ATG4D: variants seen among roughly 807,000 people sequenced by gnomAD.
ATG4D encodes cysteine protease ATG4D.
ATG4D carries 51 observed loss-of-function variants against 55.2 expected under a neutral mutation model. The ratio of observed to expected loss-of-function variants is 0.92; its 90% CI spans 0.74 to 1.17. The LOEUF is 1.17. Ranked by LOEUF, ATG4D falls within the 50% of genes most tolerant of loss-of-function variation. The pLI is 0.00. For synonymous variants in ATG4D, 268 were observed against 266.2 expected, an observed-to-expected ratio of 1.01 and a Z score of -0.07; for missense variants, 635 against 649.6, an observed-to-expected ratio of 0.98 and a Z score of 0.25.
chr19:10,549,758 G>T (rs1424908018), intron 6 of ATG4D, among the ~76,000 whole-genome samples: 2 of 151,988 alleles, frequency 1.3e-5, no homozygotes. Context: ...CCTGCTATGT[G>T]TGCTCCCCAC....
chr19:10,546,793 C>T (rs2144685865), intron 3 of ATG4D, 46 bp from the exon 4 acceptor site: 1 of 1,513,726 alleles, frequency 6.6e-7, no homozygotes, highest in Non-Finnish European at 8.9e-7. Context: ...GGGACCTCTG[C>T]CCCCCACACA....
intron 4 of ATG4D, 28 bp downstream of exon 4, chr19:10,547,143 G>A (rs1916061747): frequency 6.2e-7 from 1 of 1,610,714 alleles, no homozygotes; most frequent in Non-Finnish European, 8.5e-7. Context: ...GATCACGGGA[G>A]TTGCTGGGTA....
chr19:10,545,866 C>CAA lies in ATG4D; in HGVS notation c.493+748_493+749dup, dbSNP rs879685414. On this transcript the variant is annotated intron_variant, in intron 3 of 9. Transcript: ENST00000309469. ...TGGGTGGCAGAGCGAGACTCAGTCT[C>CAA]AAAAAAAAAAAAAGAGTTTTGGCTG... 3.9e-4 allele frequency among the ~76,000 whole-genome samples: 51 copies of CAA among 129,194 alleles called. 1 individual carries two copies. The East Asian group carries it at 8.6e-3, about 22-fold the overall frequency. 84.8% of individuals were successfully genotyped at this position (129,194 alleles called of 152,430 possible). A position where few individuals can be genotyped will look rare whatever the true frequency, so the allele number is the denominator to read the frequency against.
At position 10,552,863 on chromosome 19, in the gene ATG4D, CCT is replaced by C. The variant is rs1310876841; in HGVS notation, c.1243-21_1243-20del. 3 of 1,593,584 alleles carry C rather than the reference CCT, an allele frequency of 1.9e-6. No individual in the cohort carries two copies. The highest frequency in any genetic ancestry group is 2.6e-6 in the Non-Finnish European group (3 of 1,169,688). On this transcript the variant is annotated intron_variant, in intron 9 of 9. Transcript: ENST00000309469. ...TGGCTTGGCACTGTTTGTGGCTGAC[CCT>C]GTCTCCCTCTTCCCGCCAGGTCCTC...
rs760259667 is a variant in ATG4D, at chr19:10,552,286, A to G, written c.1204A>G (p.Arg402Gly). The G allele has an allele frequency of 1.9e-6, 3 of 1,613,558 alleles. No individual in the cohort carries two copies. In the South Asian group the frequency reaches 3.3e-5, roughly 18 times the overall value. ...TACCGTGGGCTTCTATGCTGGAGAC[A>G]GGAAGGAGTTTGAGACACTCTGCTC... ...SCTVGFYAGD[R>G]KEFETLCSEL... The change falls in exon 9 of 10, where the codon AGG (arginine) becomes GGG (glycine). Residue 402 changes from arginine (R) to glycine (G), a missense_variant. Transcript: ENST00000309469.
chr19:10,549,946 G>A (rs1916169355), intron 6 of ATG4D, among the ~76,000 whole-genome samples: 1 of 152,158 alleles, frequency 6.6e-6, no homozygotes, highest in African/African-American at 2.4e-5. Flanking sequence ...AGCACTTTGG[G>A]AGGCCGAGGC....
rs1915986023 is a variant in ATG4D at position 10,544,979 on chromosome 19, G to C, written c.342G>C (p.Arg114=). 1 of 1,595,578 alleles carries C rather than the reference G, an allele frequency of 6.3e-7. No individual in the cohort carries two copies. ...EGEGDIQRFQ[R]DFVSRLWLTY... is the part of the protein sequence containing the mutation. ...TAGGTGACATACAGCGTTTCCAGCG[G>C]GACTTTGTGTCCCGCCTGTGGCTCA... The change falls in exon 3 of 10, where the codon CGG becomes CGC. Residue 114 remains arginine (R), a synonymous_variant. Coordinates refer to ENST00000309469, the MANE Select transcript of ATG4D (RefSeq NM_032885.6).
At chr19:10,550,314 C>T (rs1307776572) in intron 6 of ATG4D, among the ~76,000 whole-genome samples, 1 of 152,028 alleles carries the variant, frequency 6.6e-6, no homozygotes, top group Non-Finnish European at 1.5e-5. Context: ...AGCCTCTACA[C>T]AACTTTAAAA....
In ATG4D at chr19:10,549,003, C is replaced by T; in HGVS notation, c.935C>T (p.Thr312Ile). The change falls in exon 6 of 10, where the codon ACT (threonine) becomes ATT (isoleucine). Residue 312 changes from threonine (T) to isoleucine (I), a missense_variant. By Grantham distance (89) the Thr-to-Ile change is moderately conservative (BLOSUM62 -1). Transcript: ENST00000309469. ...ILVPVRLGGETLNPVYVPCVK... is the reference protein window; with the variant it reads ...ILVPVRLGGEILNPVYVPCVK... ...GTGCCCGTGCGACTGGGTGGCGAGA[C>T]TCTCAACCCCGTGTATGTGCCCTGC... 1 of 1,614,156 alleles carries T rather than the reference C, an allele frequency of 6.2e-7. No homozygotes were observed. The highest frequency in any genetic ancestry group is 8.5e-7 in the Non-Finnish European group (1 of 1,180,022).
rs2144705397 is a variant in ATG4D at position 10,553,210 on chromosome 19, T to A, written c.*143T>A. 5 of 1,075,538 alleles carry A rather than the reference T, an allele frequency of 4.6e-6. No homozygotes were observed. The East Asian group carries it at 1.0e-4, about 22-fold the overall frequency. 66.6% of individuals were successfully genotyped at this position (1,075,538 alleles called of 1,614,324 possible). A position where few individuals can be genotyped will look rare whatever the true frequency, so the allele number is the denominator to read the frequency against. ...CCCAGCTGCAACCAGTCTGGGGCCA[T>A]TCAGCCAGGGACAGAGCCCACAGAG... On this transcript the variant is annotated 3_prime_UTR_variant, in exon 10 of 10. Transcript: ENST00000309469.
In ATG4D at chr19:10,545,021, C is replaced by A. The variant is rs200667601; in HGVS notation, c.384C>A (p.Phe128Leu). Residue 128 changes from phenylalanine to leucine, a missense_variant, in exon 3 of 10, where the codon TTC (phenylalanine) becomes TTA (leucine). Transcript: ENST00000309469. The stretch of plus-strand genomic sequence containing the variant: ...TGTGGCTCACATACCGCCGGGACTT[C>A]CCGCCCCTTCCTGGGGGCTGCCTGA... ...SRLWLTYRRD[F>L]PPLPGGCLTS... is the part of the protein sequence containing the mutation. 33 of 1,611,360 alleles carry A rather than the reference C, an allele frequency of 2.0e-5. No homozygotes were observed. Among genetic ancestry groups the A allele is most frequent in the Non-Finnish European group, 2.7e-5 (32 of 1,178,802 alleles).
At position 10,552,307 on chromosome 19, in the gene ATG4D, T is replaced by A. The variant is rs768036629; in HGVS notation, c.1225T>A (p.Cys409Ser). Residue 409 changes from cysteine (C) to serine (S), a missense_variant, in exon 9 of 10, where the codon TGC becomes AGC. Transcript: ENST00000309469. Reference sequence around the variant, plus strand: ...AGACAGGAAGGAGTTTGAGACACTCTGCTCAGAGCTGACCAGGGTGAGCAA... The same window carrying A: ...AGACAGGAAGGAGTTTGAGACACTCAGCTCAGAGCTGACCAGGGTGAGCAA... ...AGDRKEFETL[C>S]SELTRVLSSS... The A allele has an allele frequency of 6.2e-7, 1 of 1,612,744 alleles. No homozygotes were observed. The highest frequency in any genetic ancestry group is 8.5e-7 in the Non-Finnish European group (1 of 1,179,912).
At chr19:10,546,192 C>G (rs773152429) in intron 3 of ATG4D, among the ~76,000 whole-genome samples, 6 of 151,798 alleles carry the variant, frequency 4.0e-5, no homozygotes, top group Non-Finnish European at 8.8e-5. Flanking sequence ...AGTGTGGTGG[C>G]ATGTGCCTGT....
Position 10,552,753 on chromosome 19 carries a change from G to C in ATG4D, c.1243-132G>C, listed in dbSNP as rs1916318689. ...ATGGCTGAGCCAATCACTGTGGCCA[G>C]GGGATGGAAGGTGCTGATTGGCTGC... On this transcript the variant is annotated intron_variant, in intron 9 of 9. Coordinates refer to ENST00000309469, the MANE Select transcript of ATG4D (RefSeq NM_032885.6). 9 of 951,468 alleles carry C rather than the reference G, an allele frequency of 9.5e-6. No homozygotes were observed. The South Asian group carries it at 1.0e-4, about 11-fold the overall frequency. The allele number at this position is 951,468 out of a possible 1,614,324, so 58.9% of individuals were successfully genotyped here. A position where few individuals can be genotyped will look rare whatever the true frequency, so the allele number is the denominator to read the frequency against.
At position 10,546,319 on chromosome 19, in the gene ATG4D, CTTTA is replaced by C. The variant is rs748063356; in HGVS notation, c.494-508_494-505del. ...AGTCTGGATGACAGTGAGATCCTGTCTTTATTTATTTATTTTATTTATTATTATT... is the reference window on the plus strand; with the variant it reads ...AGTCTGGATGACAGTGAGATCCTGTCTTTATTTATTTTATTTATTATTATT... On this transcript the variant is annotated intron_variant, in intron 3 of 9. Transcript: ENST00000309469. Among the ~76,000 whole-genome samples, 710 of 151,564 alleles carry C rather than the reference CTTTA, an allele frequency of 4.7e-3. 3 individuals are homozygous for C. The highest frequency in any genetic ancestry group is 8.3e-3 in the Non-Finnish European group (566 of 67,894).
rs146985902 is a variant in ATG4D at position 10,552,859 on chromosome 19, T to C, written c.1243-26T>C. 4,708 of 1,591,432 alleles carry C rather than the reference T, an allele frequency of 3.0e-3. 108 individuals are homozygous for C. The African/African-American group carries it at 0.055, about 18-fold the overall frequency. On this transcript the variant is annotated intron_variant, in intron 9 of 9. Coordinates refer to ENST00000309469, the MANE Select transcript of ATG4D (RefSeq NM_032885.6). The stretch of plus-strand genomic sequence containing the variant: ...AATATGGCTTGGCACTGTTTGTGGC[T>C]GACCCTGTCTCCCTCTTCCCGCCAG...
chr19:10,544,268 G>A lies in ATG4D; in HGVS notation c.178G>A (p.Asp60Asn). Reference sequence around the variant, plus strand: ...TCCCGGGGCTGGCCCGAGTGAGCCGGACGAAGTGGACAAGTTCAAGGCCAA... The same window carrying A: ...TCCCGGGGCTGGCCCGAGTGAGCCGAACGAAGTGGACAAGTTCAAGGCCAA... ...GSPGAGPSEPDEVDKFKAKFL... is the reference protein window; with the variant it reads ...GSPGAGPSEPNEVDKFKAKFL... The change falls in exon 1 of 10, where the codon GAC (aspartate) becomes AAC (asparagine). Residue 60 changes from aspartate (D) to asparagine (N), a missense_variant. Coordinates refer to ENST00000309469, the MANE Select transcript of ATG4D (RefSeq NM_032885.6). The A allele has an allele frequency of 7.8e-7, 1 of 1,274,368 alleles. No homozygotes were observed. The highest frequency in any genetic ancestry group is 1.0e-6 in the Non-Finnish European group (1 of 1,002,684). 78.9% of individuals were successfully genotyped at this position (1,274,368 alleles called of 1,614,324 possible). A position where few individuals can be genotyped will look rare whatever the true frequency, so the allele number is the denominator to read the frequency against.
At position 10,552,927 on chromosome 19, in the gene ATG4D, A is replaced by G. The variant is rs1220386164; in HGVS notation, c.1285A>G (p.Thr429Ala). The change falls in exon 10 of 10, where the codon ACC (threonine) becomes GCC (alanine). Residue 429 changes from threonine (T) to alanine (A), a missense_variant. Physicochemically the swap from Thr to Ala is moderately conservative, Grantham distance 58. Transcript: ENST00000309469. ...AGCCACAGAGCGGTACCCCATGTTCACCCTGGCCGAGGGCCATGCTCAGGA... is the reference window on the plus strand; with the variant it reads ...AGCCACAGAGCGGTACCCCATGTTCGCCCTGGCCGAGGGCCATGCTCAGGA... ...SSATERYPMF[T>A]LAEGHAQDHS... The G allele has an allele frequency of 6.2e-7, 1 of 1,613,268 alleles. No individual in the cohort carries two copies. Among genetic ancestry groups the G allele is most frequent in the South Asian group, 1.1e-5 (1 of 91,062 alleles).
chr19:10,546,999 G>A lies in ATG4D; in HGVS notation c.654G>A (p.Trp218Ter). 1 of 1,593,786 alleles carries A rather than the reference G, an allele frequency of 6.3e-7. No homozygotes were observed. The highest frequency in any genetic ancestry group is 8.5e-7 in the Non-Finnish European group (1 of 1,170,744). The stretch of plus-strand genomic sequence containing the variant: ...GCCGGCACCGGCAGATTGTGTCCTG[G>A]TTCGCCGACCACCCCCGGGCCCCCT... ...QERRHRQIVS[W>*]FADHPRAPFG... Residue 218 changes from tryptophan (W) to a stop codon, truncating the protein, a stop_gained, in exon 4 of 10, where the codon TGG becomes TGA. Transcript: ENST00000309469. LOFTEE classifies it high-confidence loss of function.
Sources: gnomAD v4.1 joint callset for allele counts (sites outside exome capture counted in the v4.1 genomes callset) on GRCh38, gnomAD v4.1.1 for gene constraint, MANE v1.5 for transcripts, NCBI Gene and HGNC (gene_info 2026-07-23, HGNC 2026-07-21) for gene names.